The following RALGAPA2 variants were observed in gnomAD, a reference collection of about 807,000 sequenced individuals.
The protein encoded by RALGAPA2 is Ral GTPase activating protein catalytic subunit alpha 2, also known as ral GTPase-activating protein subunit alpha-2.
RALGAPA2 carries 139 observed loss-of-function variants against 230.4 expected under a neutral mutation model. That is an observed-to-expected ratio of 0.60 (90% CI 0.53 to 0.69). The LOEUF (loss-of-function observed/expected upper bound fraction) is 0.69. Ranked by LOEUF, RALGAPA2 falls within the 30% of genes least tolerant of loss-of-function variation. The pLI, the probability that RALGAPA2 is intolerant of heterozygous loss-of-function variation, is 0.00. For synonymous variants in RALGAPA2, 847 were observed against 837.8 expected, an observed-to-expected ratio of 1.01 and a Z score of -0.19; for missense variants, 2,163 against 2,276.0, an observed-to-expected ratio of 0.95 and a Z score of 1.01.
chr20:20,488,168 A>G (rs545254083), intron 36 of RALGAPA2, among the ~76,000 whole-genome samples: 2 of 152,292 alleles, frequency 1.3e-5, no homozygotes, highest in East Asian at 3.9e-4. Flanking sequence ...AAAAAAATCC[A>G]TGTGTAGGTG....
chr20:20,414,837 C>T (rs2060134754), intron 37 of RALGAPA2, among the ~76,000 whole-genome samples: 1 of 152,250 alleles, frequency 6.6e-6, no homozygotes. Flanking sequence ...ACAGCCCACA[C>T]TCTCCCGCCC....
chr20:20,588,469 A>C (rs990103795), intron 18 of RALGAPA2, among the ~76,000 whole-genome samples: 1 of 152,236 alleles, frequency 6.6e-6, no homozygotes, highest in African/African-American at 2.4e-5. Context: ...GGGATGATGA[A>C]CACAAAGCCA....
At chr20:20,406,458 T>C (rs2059947621) in intron 38 of RALGAPA2, among the ~76,000 whole-genome samples, 1 of 152,344 alleles carries the variant, frequency 6.6e-6, no homozygotes, top group East Asian at 1.9e-4. Flanking sequence ...TTGGGCTGTG[T>C]CCAGAAGGGA....
intron 24 of RALGAPA2, among the ~76,000 whole-genome samples, chr20:20,545,137 AT>A (rs980933948): frequency 1.3e-5 from 2 of 152,152 alleles, no homozygotes; most frequent in African/African-American, 2.4e-5. Flanking sequence ...ATTATCCTAA[AT>A]TTTTTCAGAA....
At chr20:20,561,544 T>A (rs1167718684) in intron 23 of RALGAPA2, among the ~76,000 whole-genome samples, 2 of 152,232 alleles carry the variant, frequency 1.3e-5, no homozygotes, top group Admixed American at 6.5e-5. Flanking sequence ...CATGTTTTAT[T>A]TCTTAAACTG....
Position 20,393,230 on chromosome 20 carries a change from C to T in RALGAPA2, c.*59G>A. ...TCACTCAGGGGCTCTTCGAGGTCAG[C>T]ACTCAGACTGGAGGCCAGGGCCCCT... On this transcript the variant is annotated 3_prime_UTR_variant, in exon 40 of 40. Transcript: ENST00000202677. The T allele has an allele frequency of 7.4e-7, 1 of 1,355,352 alleles. No individual in the cohort carries two copies. The highest frequency in any genetic ancestry group is 9.8e-7 in the Non-Finnish European group (1 of 1,016,742). The allele number at this position is 1,355,352 out of a possible 1,614,324, so 84.0% of individuals were successfully genotyped here.
At chr20:20,482,923 T>A (rs1213192391) in intron 36 of RALGAPA2, among the ~76,000 whole-genome samples, 1 of 152,232 alleles carries the variant, frequency 6.6e-6, no homozygotes, top group Non-Finnish European at 1.5e-5. Flanking sequence ...CTCTCAAGAC[T>A]CTGCACTGCT....
chr20:20,491,145 T>C (rs2062045407), intron 36 of RALGAPA2, among the ~76,000 whole-genome samples: 1 of 152,016 alleles, frequency 6.6e-6, no homozygotes, highest in Non-Finnish European at 1.5e-5. Context: ...ACACCTACCA[T>C]CTTGTGGTAG....
intron 37 of RALGAPA2, among the ~76,000 whole-genome samples, chr20:20,422,585 C>T (rs1383049636): frequency 6.6e-6 from 1 of 152,124 alleles, no homozygotes; most frequent in African/African-American, 2.4e-5. Flanking sequence ...AAAAAATGCC[C>T]CCCAAAATGC....
intron 1 of RALGAPA2, among the ~76,000 whole-genome samples, chr20:20,690,689 CAG>C (rs2068870831): frequency 6.6e-6 from 1 of 152,086 alleles, no homozygotes; most frequent in Non-Finnish European, 1.5e-5. Flanking sequence ...TGCTTCCTTG[CAG>C]TCTGCCTGGT....
chr20:20,437,645 T>C lies in RALGAPA2; in HGVS notation c.5496-25497A>G, dbSNP rs2060645297. 6.6e-6 allele frequency among the ~76,000 whole-genome samples: 1 copy of C among 152,234 alleles called. No individual in the cohort carries two copies. The highest frequency in any genetic ancestry group is 1.5e-5 in the Non-Finnish European group (1 of 68,030). The stretch of plus-strand genomic sequence containing the variant: ...GCCTGGGATGCTCTTCCAAGACCCC[T>C]GTCTGGCTGCCTCCCTCACCTCCTT... On this transcript the variant is annotated intron_variant, in intron 37 of 39. Transcript: ENST00000202677. The surrounding 1 kb of genome is among the most constrained non-coding windows in gnomAD (Gnocchi z 4.1).
At chr20:20,707,847 T>G (rs1017478984) in intron 1 of RALGAPA2, among the ~76,000 whole-genome samples, 5 of 151,900 alleles carry the variant, frequency 3.3e-5, no homozygotes, top group Non-Finnish European at 7.4e-5. Context: ...TGGGCAAGGG[T>G]CCTCAGTGCC....
intron 36 of RALGAPA2, among the ~76,000 whole-genome samples, chr20:20,482,555 A>G (rs2061804408): frequency 6.6e-6 from 1 of 152,208 alleles, no homozygotes; most frequent in Non-Finnish European, 1.5e-5. Flanking sequence ...AGGGTTCCCC[A>G]AAGTGCACTT....
chr20:20,502,320 G>A (rs757981308), intron 35 of RALGAPA2, among the ~76,000 whole-genome samples: 6 of 152,104 alleles, frequency 3.9e-5, no homozygotes, highest in African/African-American at 7.2e-5. Flanking sequence ...GAGGCCAATC[G>A]GCCAATATAA....
At chr20:20,585,711 G>GC (rs2065114738) in intron 18 of RALGAPA2, among the ~76,000 whole-genome samples, 1 of 152,148 alleles carries the variant, frequency 6.6e-6, no homozygotes, top group Non-Finnish European at 1.5e-5. Context: ...GTGGTAATCA[G>GC]CAAGTTCTAT....
Position 20,712,276 on chromosome 20 carries a change from C to T in RALGAPA2, c.106+99G>A, listed in dbSNP as rs1568789019. On this transcript the variant is annotated intron_variant, in intron 1 of 39. Coordinates refer to ENST00000202677, the MANE Select transcript of RALGAPA2 (RefSeq NM_020343.4). This position sits in a 1 kb window ranked among gnomAD's most constrained non-coding sequence, Gnocchi z 5.5. ...GGGTCGGACGCCCACCCATCCCCCTCCCCAGCCTCCCAGCCACCGACCCCT... is the reference window on the plus strand; with the variant it reads ...GGGTCGGACGCCCACCCATCCCCCTTCCCAGCCTCCCAGCCACCGACCCCT... The T allele has an allele frequency of 1.1e-6, 1 of 908,834 alleles. No individual in the cohort carries two copies. Among genetic ancestry groups the T allele is most frequent in the Non-Finnish European group, 1.6e-6 (1 of 637,776 alleles). The allele number at this position is 908,834 out of a possible 1,614,324, so 56.3% of individuals were successfully genotyped here. A position where few individuals can be genotyped will look rare whatever the true frequency, so the allele number is the denominator to read the frequency against.
chr20:20,562,556 A>T (rs955505537), intron 23 of RALGAPA2, among the ~76,000 whole-genome samples: 9 of 152,212 alleles, frequency 5.9e-5, no homozygotes, highest in African/African-American at 2.2e-4. Flanking sequence ...ATGTCTGATA[A>T]CATTTACTTG....
intron 37 of RALGAPA2, among the ~76,000 whole-genome samples, chr20:20,416,932 G>A (rs1602307216): frequency 6.6e-6 from 1 of 152,192 alleles, no homozygotes. Context: ...ACATCAGTGT[G>A]TGTGTGCTGT....
intron 33 of RALGAPA2, among the ~76,000 whole-genome samples, chr20:20,509,580 C>A (rs1301943535): frequency 6.6e-6 from 1 of 152,042 alleles, no homozygotes; most frequent in South Asian, 2.1e-4. Context: ...GTCACATTCC[C>A]AAGACTTGGA....
Sources: gnomAD v4.1 joint callset for allele counts (sites outside exome capture counted in the v4.1 genomes callset) on GRCh38, gnomAD v4.1.1 for gene constraint, Gnocchi (gnomAD v3.1) non-coding constraint, MANE v1.5 for transcripts, NCBI Gene and HGNC (gene_info 2026-07-23, HGNC 2026-07-21) for gene names.